ZDHHC17: variants seen among roughly 807,000 people sequenced by gnomAD.
ZDHHC17 encodes zDHHC palmitoyltransferase 17, also known as palmitoyltransferase ZDHHC17.
Under a neutral mutation model 90.3 loss-of-function variants are expected in ZDHHC17, and 40 were observed. The ratio of observed to expected loss-of-function variants is 0.44; its 90% CI spans 0.34 to 0.58. ZDHHC17 has a LOEUF of 0.58. ZDHHC17 is among the 20% of genes least tolerant of loss of function. ZDHHC17 has a pLI of 0.01. For synonymous variants in ZDHHC17, 235 were observed against 252.4 expected, an observed-to-expected ratio of 0.93 and a Z score of 0.65; for missense variants, 614 against 780.8, an observed-to-expected ratio of 0.79 and a Z score of 2.55.
chr12:76,812,176 A>G (rs1300801733), intron 5 of ZDHHC17, among the ~76,000 whole-genome samples: 4 of 152,108 alleles, frequency 2.6e-5, no homozygotes, highest in African/African-American at 4.8e-5. Context: ...TGTAAAAGAC[A>G]CTCTTCCAAT....
intron 5 of ZDHHC17, chr12:76,813,322 A>T (rs988941148): frequency 3.1e-5 from 14 of 448,074 alleles, no homozygotes; most frequent in Middle Eastern, 3.3e-4. Context: ...GGATTATTTT[A>T]AAAAATGTAC....
rs748137275 is a variant in ZDHHC17 at position 76,764,339 on chromosome 12, C to G, written c.93+10C>G. ...CCTTCTCCACCCAGAGGTGAGGAAC[C>G]GTGCTGAGTGGATTCCTTGCCCTGC... is the stretch of plus-strand genomic sequence containing the variant. On this transcript the variant is annotated intron_variant, in intron 1 of 16. Coordinates refer to ENST00000426126, the MANE Select transcript of ZDHHC17 (RefSeq NM_015336.4). 3.2e-6 allele frequency: 5 copies of G among 1,578,566 alleles called. No homozygotes were observed. The highest frequency in any genetic ancestry group is 4.3e-6 in the Non-Finnish European group (5 of 1,159,882).
At chr12:76,816,439 C>T (rs1032720409) in intron 7 of ZDHHC17, among the ~76,000 whole-genome samples, 1 of 152,140 alleles carries the variant, frequency 6.6e-6, no homozygotes, top group South Asian at 2.1e-4. Context: ...TTTTTAAAGC[C>T]TCAGGATCCA....
intron 1 of ZDHHC17, among the ~76,000 whole-genome samples, chr12:76,772,849 C>T (rs192926036): frequency 1.9e-3 from 289 of 151,644 alleles, no homozygotes; most frequent in Non-Finnish European, 2.8e-3. Flanking sequence ...CCGGCCTTAA[C>T]GCTTGTTTTT....
At chr12:76,803,299 T>C (rs1468204343) in intron 2 of ZDHHC17, among the ~76,000 whole-genome samples, 1 of 152,052 alleles carries the variant, frequency 6.6e-6, no homozygotes, top group Non-Finnish European at 1.5e-5. Context: ...TAAAATAGGC[T>C]TTGTCTTAGA....
intron 1 of ZDHHC17, among the ~76,000 whole-genome samples, chr12:76,767,418 C>G (rs144375768): frequency 6.6e-6 from 1 of 152,298 alleles, no homozygotes; most frequent in African/African-American, 2.4e-5. Flanking sequence ...TAAAACCTTT[C>G]TTAGAGGATT....
chr12:76,822,732 T>G (rs1953180837), intron 8 of ZDHHC17, among the ~76,000 whole-genome samples: 1 of 151,258 alleles, frequency 6.6e-6, no homozygotes, highest in South Asian at 2.1e-4. Context: ...TATTTGTATT[T>G]TTTTTTAGTA....
intron 8 of ZDHHC17, among the ~76,000 whole-genome samples, chr12:76,826,309 A>G (rs10778945): frequency 0.44 from 67,537 of 151,960 alleles, 15,379 homozygotes; most frequent in East Asian, 0.65. Context: ...TTTAACAACC[A>G]GACCAGTACA....
chr12:76,844,177 A>G (rs1156605872), intron 12 of ZDHHC17: 2 of 152,218 alleles, frequency 1.3e-5, no homozygotes, highest in Non-Finnish European at 2.9e-5. Flanking sequence ...TTCAATACAG[A>G]TAGCAGTTTC....
intron 7 of ZDHHC17, among the ~76,000 whole-genome samples, chr12:76,818,425 T>A (rs1171373991): frequency 1.3e-5 from 2 of 152,174 alleles, no homozygotes; most frequent in African/African-American, 4.8e-5. Context: ...TCAAGACAGA[T>A]AAGGTCTCTA....
chr12:76,841,564 G>T (rs761845013), intron 10 of ZDHHC17, among the ~76,000 whole-genome samples: 75 of 151,994 alleles, frequency 4.9e-4, no homozygotes, highest in Non-Finnish European at 9.6e-4. Context: ...TCAAAAAAAG[G>T]CAAAAGTGAG....
chr12:76,764,285 G>C lies in ZDHHC17; in HGVS notation c.49G>C (p.Glu17Gln). Residue 17 changes from glutamate (E) to glutamine (Q), a missense_variant, in exon 1 of 17, where the codon GAG (glutamate) becomes CAG (glutamine). This residue lies in a region of ZDHHC17 where 358 missense variants were observed against 380.4 expected (regional missense o/e 0.94). Transcript: ENST00000426126. ...CACCAAGATGGCGGACGGCCCGGAT[G>C]AGTACGATACCGAAGCGGGCTGTGT... ...FNTKMADGPD[E>Q]YDTEAGCVPL... The C allele has an allele frequency of 6.2e-7, 1 of 1,607,660 alleles. No homozygotes were observed. The highest frequency in any genetic ancestry group is 1.3e-5 in the African/African-American group (1 of 74,898).
intron 12 of ZDHHC17, chr12:76,843,848 A>C (rs538619471): frequency 6.6e-6 from 1 of 152,228 alleles, no homozygotes; most frequent in South Asian, 2.1e-4. Context: ...TATGGAATGA[A>C]GTTTTGAAAC....
chr12:76,834,048 A>G (rs1308586144), intron 10 of ZDHHC17, among the ~76,000 whole-genome samples: 2 of 152,194 alleles, frequency 1.3e-5, no homozygotes, highest in African/African-American at 4.8e-5. Flanking sequence ...TATTTAAGAT[A>G]CAATAAGTGA....
chr12:76,803,884 G>A (rs973784784), intron 2 of ZDHHC17, among the ~76,000 whole-genome samples: 1 of 152,122 alleles, frequency 6.6e-6, no homozygotes, highest in Non-Finnish European at 1.5e-5. Flanking sequence ...AGTTATACTT[G>A]GGATGCCCTC....
At chr12:76,790,229 CGGT>C (rs1157070466) in intron 1 of ZDHHC17, among the ~76,000 whole-genome samples, 1 of 152,032 alleles carries the variant, frequency 6.6e-6, no homozygotes, top group African/African-American at 2.4e-5. Context: ...AGGCTGGGCA[CGGT>C]GGAGCACACC....
chr12:76,821,278 C>T (rs1323849656), intron 7 of ZDHHC17: 6 of 336,908 alleles, frequency 1.8e-5, no homozygotes, highest in Non-Finnish European at 3.0e-5. Flanking sequence ...TGGAAGACTC[C>T]TAGATTAGCC....
chr12:76,816,974 C>T (rs895412863), intron 7 of ZDHHC17, among the ~76,000 whole-genome samples: 1 of 151,916 alleles, frequency 6.6e-6, no homozygotes, highest in East Asian at 1.9e-4. Context: ...CAGAATAGTT[C>T]CATATCTGCC....
In ZDHHC17 at chr12:76,797,486, G is replaced by A. The variant is rs766673863; in HGVS notation, c.146G>A (p.Arg49Gln). ...YNHGYGEPLG[R>Q]KTHIDDYSTW... is the part of the protein sequence containing the mutation. ...CATGGATATGGTGAACCTCTTGGAC[G>A]GAAAACTCATATTGATGATTACAGC... The change falls in exon 2 of 17, where the codon CGG (arginine) becomes CAG (glutamine). Residue 49 changes from arginine to glutamine, a missense_variant. Coordinates refer to ENST00000426126, the MANE Select transcript of ZDHHC17 (RefSeq NM_015336.4). The A allele has an allele frequency of 1.4e-5, 23 of 1,610,656 alleles. No homozygotes were observed. In the East Asian group the frequency reaches 2.0e-4, roughly 14 times the overall value.
Sources: allele counts gnomAD v4.1 joint callset (sites outside exome capture counted in the v4.1 genomes callset), GRCh38; gene constraint gnomAD v4.1.1; regional missense constraint gnomAD v4.1.1; transcripts MANE v1.5; gene names NCBI Gene and HGNC (gene_info 2026-07-23, HGNC 2026-07-21).